CCDC178: variants seen among roughly 807,000 people sequenced by gnomAD.
CCDC178 encodes coiled-coil domain containing 178, also known as coiled-coil domain-containing protein 178.
A neutral mutation model predicts 117.4 loss-of-function variants in CCDC178; 126 were observed. The observed-to-expected ratio is 1.07, with a 90% CI of 0.93 to 1.24. The LOEUF (loss-of-function observed/expected upper bound fraction) is 1.24. Among genes scored for constraint, CCDC178 ranks in the 50% most tolerant of loss-of-function variants. CCDC178 has a pLI of 0.00. For missense variants in CCDC178, 1,030 were observed against 986.9 expected (o/e 1.04, Z -0.59); for synonymous variants, 283 against 313.4 (o/e 0.90, Z 1.02).
chr18:33,008,995 T>C (rs1233440895), intron 21 of CCDC178, among the ~76,000 whole-genome samples: 5 of 152,090 alleles, frequency 3.3e-5, no homozygotes, highest in Admixed American at 2.6e-4. Flanking sequence ...TTGTTTCTTT[T>C]GCCATTTAAG....
rs567296418 is a variant in CCDC178, at chr18:33,112,707, A to G, written c.2239-19797T>C. ...TTAGCTTTAATGTCAGGTTCATCAT[A>G]TGAATTGGGGGAACAAGATCAGCAC... On this transcript the variant is annotated intron_variant, in intron 20 of 22. Coordinates refer to ENST00000383096, the MANE Select transcript of CCDC178 (RefSeq NM_001105528.4). 1.3e-4 allele frequency among the ~76,000 whole-genome samples: 19 copies of G among 151,976 alleles called. No individual in the cohort carries two copies. The South Asian group carries it at 3.9e-3, about 32-fold the overall frequency.
intron 21 of CCDC178, among the ~76,000 whole-genome samples, chr18:32,980,934 C>T (rs2055142671): frequency 6.6e-6 from 1 of 152,102 alleles, no homozygotes; most frequent in African/African-American, 2.4e-5. Context: ...AGCAATTATA[C>T]TTAAAGCTAC....
intron 21 of CCDC178, among the ~76,000 whole-genome samples, chr18:33,048,271 C>T (rs2056682091): frequency 6.6e-6 from 1 of 152,054 alleles, no homozygotes; most frequent in Admixed American, 6.6e-5. Flanking sequence ...TTTTTTAAGC[C>T]GTGCCAGTTT....
chr18:33,036,252 A>G (rs1182829987), intron 21 of CCDC178, among the ~76,000 whole-genome samples: 1 of 151,860 alleles, frequency 6.6e-6, no homozygotes, highest in Non-Finnish European at 1.5e-5. Flanking sequence ...AGAAAATGAT[A>G]TTTTCGTTTA....
intron 9 of CCDC178, among the ~76,000 whole-genome samples, chr18:33,338,268 G>A (rs957257107): frequency 1.3e-5 from 2 of 152,158 alleles, no homozygotes; most frequent in South Asian, 4.1e-4. Context: ...TGTTGGCATG[G>A]ATGCAGTGAA....
intron 20 of CCDC178, among the ~76,000 whole-genome samples, chr18:33,115,031 C>T (rs1024510767): frequency 1.3e-5 from 2 of 152,054 alleles, no homozygotes; most frequent in Non-Finnish European, 2.9e-5. Context: ...CTTGATTACA[C>T]GATCTCATGT....
chr18:33,012,387 A>C (rs2055888597), intron 21 of CCDC178, among the ~76,000 whole-genome samples: 1 of 152,184 alleles, frequency 6.6e-6, no homozygotes, highest in Admixed American at 6.5e-5. Context: ...AGAGAATGAC[A>C]TAGGTAGAGA....
intron 20 of CCDC178, among the ~76,000 whole-genome samples, chr18:33,126,267 TGTA>T (rs1251936416): frequency 6.6e-6 from 1 of 150,998 alleles, no homozygotes. Context: ...TGTATATAAT[TGTA>T]GTATTATATA....
At chr18:33,397,241 T>A (rs369672419) in intron 3 of CCDC178, 33 bp from the exon 4 acceptor site, 31 of 1,434,506 alleles carry the variant, frequency 2.2e-5, no homozygotes, top group East Asian at 6.8e-5. Flanking sequence ...AAATAAAATA[T>A]CTGCTTCCTG....
intron 15 of CCDC178, among the ~76,000 whole-genome samples, chr18:33,230,304 G>A (rs1487804722): frequency 6.6e-6 from 1 of 151,760 alleles, no homozygotes; most frequent in African/African-American, 2.4e-5. Context: ...TAGTGAAATA[G>A]CTATTATCCA....
At chr18:33,256,038 G>C (rs1266093640) in intron 14 of CCDC178, among the ~76,000 whole-genome samples, 1 of 59,356 alleles carries the variant, frequency 1.7e-5, no homozygotes, top group Non-Finnish European at 3.5e-5. Flanking sequence ...CAGGAAGAAA[G>C]GTCTATTTTG....
At chr18:33,050,144 T>A (rs2056722436) in intron 21 of CCDC178, among the ~76,000 whole-genome samples, 1 of 152,138 alleles carries the variant, frequency 6.6e-6, no homozygotes, top group Non-Finnish European at 1.5e-5. Flanking sequence ...ATTTATTTGT[T>A]TAATTTGTAC....
At chr18:33,440,322 A>C (rs1185418629) in intron 1 of CCDC178, among the ~76,000 whole-genome samples, 2 of 41,038 alleles carry the variant, frequency 4.9e-5, no homozygotes, top group Admixed American at 3.6e-4. Context: ...GGACTGGGGG[A>C]CTGGGGGACT....
chr18:32,970,870 G>A (rs2054909357), intron 22 of CCDC178, among the ~76,000 whole-genome samples: 1 of 151,854 alleles, frequency 6.6e-6, no homozygotes, highest in East Asian at 1.9e-4. Flanking sequence ...GTGGTTCGTG[G>A]GTATATACAG....
chr18:32,963,036 T>G (rs1412289000), intron 22 of CCDC178, among the ~76,000 whole-genome samples: 1 of 152,044 alleles, frequency 6.6e-6, no homozygotes, highest in Non-Finnish European at 1.5e-5. Flanking sequence ...TCACACTGTC[T>G]TCCTCCAACA....
chr18:33,103,333 TC>T (rs2057658375), intron 20 of CCDC178, among the ~76,000 whole-genome samples: 1 of 151,446 alleles, frequency 6.6e-6, no homozygotes, highest in Non-Finnish European at 1.5e-5. Flanking sequence ...TCCCAACAGG[TC>T]CCTCCCACAA....
chr18:32,946,880 C>T (rs1472670237), intron 22 of CCDC178, among the ~76,000 whole-genome samples: 2 of 151,470 alleles, frequency 1.3e-5, no homozygotes, highest in South Asian at 2.1e-4. Context: ...CCCGGGTTCA[C>T]GCCATTCTCC....
At chr18:33,394,206 AAT>A (rs2063600899) in intron 4 of CCDC178, among the ~76,000 whole-genome samples, 1 of 152,028 alleles carries the variant, frequency 6.6e-6, no homozygotes, top group Non-Finnish European at 1.5e-5. Flanking sequence ...TTATTGAACC[AAT>A]GAGGATGAAA....
At chr18:33,343,041 C>G (rs2062836575) in intron 9 of CCDC178, among the ~76,000 whole-genome samples, 1 of 152,120 alleles carries the variant, frequency 6.6e-6, no homozygotes, top group Non-Finnish European at 1.5e-5. Flanking sequence ...CATCATGTGA[C>G]TGGAATGCAG....
Sources: gnomAD v4.1 joint callset for allele counts (sites outside exome capture counted in the v4.1 genomes callset) on GRCh38, gnomAD v4.1.1 for gene constraint, MANE v1.5 for transcripts, NCBI Gene and HGNC (gene_info 2026-07-23, HGNC 2026-07-21) for gene names.